CPM: variants seen among roughly 807,000 people sequenced by gnomAD.
The protein encoded by CPM is carboxypeptidase M.
Under a neutral mutation model 46.4 loss-of-function variants are expected in CPM, and 35 were observed. That is an observed-to-expected ratio of 0.75 (90% CI 0.58 to 1.00). The LOEUF (loss-of-function observed/expected upper bound fraction) is 1.00, where lower values mean the gene tolerates loss of function less well. Ranked by LOEUF, CPM falls within the 50% of genes least tolerant of loss-of-function variation. The probability of loss-of-function intolerance (pLI) is 0.00; values close to 1 mark genes in which losing one functional copy is unlikely to be tolerated. For missense variants in CPM, 422 were observed against 530.4 expected (o/e 0.80, Z 2.01); for synonymous variants, 195 against 195.3 (o/e 1.00, Z 0.01).
chr12:68,850,507 G>A (rs960360847), downstream of CPM: 3 of 152,086 alleles, frequency 2.0e-5, no homozygotes, highest in South Asian at 2.1e-4. Context: ...TTTGTTTAGC[G>A]TGTTTCAAAG....
At chr12:68,924,226 G>T (rs1029140184) in intron 2 of CPM, among the ~76,000 whole-genome samples, 1 of 151,948 alleles carries the variant, frequency 6.6e-6, no homozygotes, top group Non-Finnish European at 1.5e-5. Context: ...GAAGGGCGCA[G>T]TGGCTCACGC....
At chr12:68,947,626 T>C (rs1334129488) in intron 1 of CPM, among the ~76,000 whole-genome samples, 1 of 151,686 alleles carries the variant, frequency 6.6e-6, no homozygotes, top group Non-Finnish European at 1.5e-5. Flanking sequence ...AAAGAATTTT[T>C]ATATAATGAC....
intron 2 of CPM, among the ~76,000 whole-genome samples, chr12:68,927,726 C>G (rs1412373607): frequency 6.6e-6 from 1 of 152,166 alleles, no homozygotes; most frequent in Non-Finnish European, 1.5e-5. Flanking sequence ...ACACCAGTAA[C>G]AGACAAACAG....
At chr12:68,874,620 C>A (rs553849466) in intron 3 of CPM, among the ~76,000 whole-genome samples, 5 of 151,804 alleles carry the variant, frequency 3.3e-5, no homozygotes, top group South Asian at 2.1e-4. Flanking sequence ...CGAAAAAAAA[C>A]CAAAAAAATG....
Position 68,856,372 on chromosome 12 carries a change from CA to C in CPM, c.*64del. ...GTCCCACTAGAGTGAGTTAGGGTTG[CA>C]GTAACCTGGAGTGAGCAATCCCTGA... On this transcript the variant is annotated 3_prime_UTR_variant, in exon 9 of 9. Transcript: ENST00000551568. 6.5e-7 allele frequency: 1 copy of C among 1,547,044 alleles called. No individual in the cohort carries two copies. Among genetic ancestry groups the C allele is most frequent in the Non-Finnish European group, 8.8e-7 (1 of 1,141,300 alleles).
intron 2 of CPM, among the ~76,000 whole-genome samples, chr12:68,921,811 T>C (rs1888053116): frequency 6.6e-6 from 1 of 152,146 alleles, no homozygotes; most frequent in African/African-American, 2.4e-5. Flanking sequence ...ACAATATAGG[T>C]AACTATATAA....
rs1883947441 is a variant in CPM at position 68,843,181 on chromosome 12, T to C, written c.534-852A>G. On this transcript the variant is annotated intron_variant, in intron 5 of 5. Transcript: ENST00000551897. ...TGTTAATTGCACACAAAACCACTTT[T>C]AATGGGTACAGAGTTAAATTTGAAG... is the stretch of plus-strand genomic sequence containing the variant. 8.4e-5 allele frequency: 19 copies of C among 224,914 alleles called. No individual in the cohort carries two copies. The East Asian group carries it at 1.2e-3, about 15-fold the overall frequency. The allele number at this position is 224,914 out of a possible 1,614,324, so 13.9% of individuals were successfully genotyped here.
At position 68,853,899 on chromosome 12, in the gene CPM, T is replaced by TTTTC. The variant is rs1036653577; in HGVS notation, c.*2534_*2537dup. 1 of 151,966 alleles carries TTTTC rather than the reference T, an allele frequency of 6.6e-6. No individual in the cohort carries two copies. The highest frequency in any genetic ancestry group is 2.4e-5 in the African/African-American group (1 of 41,482). The allele number at this position is 151,966 out of a possible 1,614,324, so 9.4% of individuals were successfully genotyped here. ...CTGCTCACCAGAGTTGCTATTTTTTTTTTCTTTTCTGTTTAGTGCTTTACC... is the reference window on the plus strand; with the variant it reads ...CTGCTCACCAGAGTTGCTATTTTTTTTTTCTTTCTTTTCTGTTTAGTGCTTTACC... On this transcript the variant is annotated 3_prime_UTR_variant, in exon 9 of 9. Coordinates refer to ENST00000551568, the MANE Select transcript of CPM (RefSeq NM_198320.5).
intron 2 of CPM, among the ~76,000 whole-genome samples, chr12:68,902,694 G>A (rs1214660384): frequency 6.6e-5 from 10 of 152,194 alleles, no homozygotes; most frequent in Non-Finnish European, 1.3e-4. Context: ...AACACCATGA[G>A]ATAAGTAAGG....
At chr12:68,952,825 G>A (rs553591535) in intron 1 of CPM, among the ~76,000 whole-genome samples, 7 of 152,264 alleles carry the variant, frequency 4.6e-5, no homozygotes, top group Admixed American at 2.0e-4. Context: ...TTTGATGCCC[G>A]CCTGAGTTTC....
chr12:68,885,088 T>C (rs2136250896), intron 3 of CPM, among the ~76,000 whole-genome samples: 1 of 152,200 alleles, frequency 6.6e-6, no homozygotes, highest in South Asian at 2.1e-4. Flanking sequence ...AGATTACAGG[T>C]ATGCGCCACC....
chr12:68,912,748 G>A (rs1475629573), intron 2 of CPM, among the ~76,000 whole-genome samples: 1 of 152,162 alleles, frequency 6.6e-6, no homozygotes, highest in Non-Finnish European at 1.5e-5. Flanking sequence ...ACTAGACTGT[G>A]TGTACCTTTA....
intron 7 of CPM, among the ~76,000 whole-genome samples, chr12:68,860,302 C>CT (rs1004567687): frequency 6.6e-6 from 1 of 152,100 alleles, no homozygotes; most frequent in Non-Finnish European, 1.5e-5. Context: ...TTTGCCCTCT[C>CT]TTTTTTAAAC....
chr12:68,931,218 C>G (rs1234009478), intron 2 of CPM, among the ~76,000 whole-genome samples: 1 of 152,082 alleles, frequency 6.6e-6, no homozygotes, highest in East Asian at 1.9e-4. Context: ...AATACTTTTT[C>G]TTTAATATAG....
intron 2 of CPM, among the ~76,000 whole-genome samples, chr12:68,904,576 T>C (rs1477986297): frequency 6.6e-6 from 1 of 152,200 alleles, no homozygotes; most frequent in Non-Finnish European, 1.5e-5. Context: ...ACATCAGCAA[T>C]GCTGAGCAAC....
At chr12:68,962,015 G>GTA (rs1565812833) in intron 1 of CPM, among the ~76,000 whole-genome samples, 1 of 151,780 alleles carries the variant, frequency 6.6e-6, no homozygotes, top group East Asian at 1.9e-4. Context: ...CCTGGCTAAC[G>GTA]CGGTGAAACC....
chr12:68,941,513 A>G (rs1201622595), intron 1 of CPM, among the ~76,000 whole-genome samples: 1 of 152,094 alleles, frequency 6.6e-6, no homozygotes, highest in Non-Finnish European at 1.5e-5. Context: ...AGCTGGGACT[A>G]CAGGTGTGTA....
chr12:68,893,149 C>CCA (rs1555196568), intron 2 of CPM, among the ~76,000 whole-genome samples: 29 of 139,350 alleles, frequency 2.1e-4, no homozygotes, highest in Admixed American at 8.0e-4. Context: ...CAAAAACTGA[C>CCA]AAAAAAAAAA....
intron 1 of CPM, among the ~76,000 whole-genome samples, chr12:68,947,911 A>C (rs1888873846): frequency 6.6e-6 from 1 of 152,176 alleles, no homozygotes. Context: ...TCATAATTTC[A>C]ACCCATTTCT....
Sources: allele counts gnomAD v4.1 joint callset (sites outside exome capture counted in the v4.1 genomes callset), GRCh38; gene constraint gnomAD v4.1.1; transcripts MANE v1.5; gene names NCBI Gene and HGNC (gene_info 2026-07-23, HGNC 2026-07-21).